The following TULP3 variants were observed in gnomAD, a reference collection of about 807,000 sequenced individuals.
TULP3 encodes the protein tubby-related protein 3.
In TULP3, 38 loss-of-function variants were observed where a neutral mutation model predicts 50.7. That is an observed-to-expected ratio of 0.75 (90% confidence interval 0.58 to 0.98). The LOEUF (loss-of-function observed/expected upper bound fraction) is 0.98. Among genes scored for constraint, TULP3 ranks in the 50% least tolerant of loss-of-function variants. TULP3 has a pLI of 0.00. For synonymous variants in TULP3, 183 were observed against 196.6 expected (o/e 0.93, Z 0.58); for missense variants, 550 against 568.0 (o/e 0.97, Z 0.32).
chr12:2,932,993 A>C (rs949871094), intron 6 of TULP3, among the ~76,000 whole-genome samples: 2 of 151,280 alleles, frequency 1.3e-5, no homozygotes, highest in Non-Finnish European at 2.9e-5. Flanking sequence ...CCCAGGCTGG[A>C]GTGCAATGGC....
At chr12:2,910,112 G>A (rs1347048543) in intron 2 of TULP3, among the ~76,000 whole-genome samples, 1 of 152,130 alleles carries the variant, frequency 6.6e-6, no homozygotes, top group Non-Finnish European at 1.5e-5. Flanking sequence ...CTAACACGGT[G>A]AAACCCAGTC....
At chr12:2,903,008 C>T (rs1441326009) in intron 1 of TULP3, among the ~76,000 whole-genome samples, 9 of 151,668 alleles carry the variant, frequency 5.9e-5, no homozygotes, top group African/African-American at 1.5e-4. Context: ...ACTACAGGCA[C>T]GGACCACAAT....
Position 2,909,581 on chromosome 12 carries a change from G to C in TULP3, c.93+1G>C, listed in dbSNP as rs979778563. On this transcript the variant is annotated splice_donor_variant, in intron 2 of 10. Coordinates refer to ENST00000448120, the MANE Select transcript of TULP3 (RefSeq NM_003324.5). LOFTEE classifies it high-confidence loss of function. Reference sequence around the variant, plus strand: ...GCGACAGGCTAAGCTGGATTATCAGGTGAGCAGAGTCTCCTCTTTTGAAAT... The same window carrying C: ...GCGACAGGCTAAGCTGGATTATCAGCTGAGCAGAGTCTCCTCTTTTGAAAT... The C allele has an allele frequency of 1.9e-6, 3 of 1,582,558 alleles. No homozygotes were observed. Among genetic ancestry groups the C allele is most frequent in the African/African-American group, 1.4e-5 (1 of 72,000 alleles).
intron 2 of TULP3, among the ~76,000 whole-genome samples, chr12:2,917,876 CA>C (rs71057863): frequency 1.4e-5 from 2 of 146,642 alleles, no homozygotes; most frequent in Non-Finnish European, 1.5e-5. Context: ...GACTCTGTCT[CA>C]AAAAAAAAAG....
At chr12:2,900,069 T>TA (rs869100591) in intron 1 of TULP3, among the ~76,000 whole-genome samples, 1 of 141,192 alleles carries the variant, frequency 7.1e-6, no homozygotes, top group South Asian at 2.3e-4. Flanking sequence ...ACAAAAAAAA[T>TA]AAAAAATTAA....
intron 4 of TULP3, among the ~76,000 whole-genome samples, chr12:2,922,939 C>T (rs1303408715): frequency 2.7e-5 from 4 of 150,500 alleles, no homozygotes; most frequent in African/African-American, 4.9e-5. Context: ...CTGCAAGCTC[C>T]GCCTCCCGGG....
intron 7 of TULP3, 127 bp downstream of exon 7, chr12:2,933,657 GAAA>G: frequency 1.8e-5 from 7 of 397,426 alleles, no homozygotes; most frequent in South Asian, 1.0e-4. Context: ...AAAGAAAAAG[GAAA>G]AAAAAAAAAG....
At chr12:2,901,634 C>A (rs2098179367) in intron 1 of TULP3, among the ~76,000 whole-genome samples, 1 of 151,948 alleles carries the variant, frequency 6.6e-6, no homozygotes. Flanking sequence ...ATGCCCGTCT[C>A]AGCCTCCCGA....
At chr12:2,912,381 C>T (rs753253926) in intron 2 of TULP3, among the ~76,000 whole-genome samples, 20 of 152,120 alleles carry the variant, frequency 1.3e-4, no homozygotes, top group Non-Finnish European at 2.4e-4. Flanking sequence ...TATCTTGGTG[C>T]GAGCTTCACA....
At chr12:2,912,432 C>T (rs947073221) in intron 2 of TULP3, among the ~76,000 whole-genome samples, 2 of 152,186 alleles carry the variant, frequency 1.3e-5, no homozygotes, top group Non-Finnish European at 2.9e-5. Context: ...ACAGTGCACA[C>T]CCATCAGTGA....
In TULP3 at chr12:2,937,702, T is replaced by C. The variant is rs1230421370; in HGVS notation, c.996T>C (p.His332=). 1 of 1,612,406 alleles carries C rather than the reference T, an allele frequency of 6.2e-7. No homozygotes were observed. The change falls in exon 9 of 11, where the codon CAT becomes CAC. Residue 332 remains histidine, a synonymous_variant. Coordinates refer to ENST00000448120, the MANE Select transcript of TULP3 (RefSeq NM_003324.5). ...SVIIPGMTLN[H]KQIPYQPQNN... The stretch of plus-strand genomic sequence containing the variant: ...TCATTCCTGGAATGACACTGAATCA[T>C]AAGCAGATCCCCTATCAGCCACAAA...
chr12:2,904,698 C>CT (rs965962698), intron 1 of TULP3, among the ~76,000 whole-genome samples: 20 of 149,160 alleles, frequency 1.3e-4, no homozygotes, highest in Admixed American at 2.7e-4. Flanking sequence ...AATTACTCCA[C>CT]TTTTTTTTTT....
intron 4 of TULP3, among the ~76,000 whole-genome samples, chr12:2,923,010 C>T (rs928023429): frequency 8.6e-5 from 13 of 151,938 alleles, no homozygotes; most frequent in African/African-American, 2.7e-4. Flanking sequence ...CCCGCCACCA[C>T]GCCTGGCTAA....
rs371759929 is a variant in TULP3, at chr12:2,910,152, G to T, written c.93+572G>T. 3.3e-5 allele frequency among the ~76,000 whole-genome samples: 5 copies of T among 152,240 alleles called. No homozygotes were observed. The East Asian group carries it at 9.7e-4, about 29-fold the overall frequency. ...CTAAAAAATACAAAAAATTAGCCGG[G>T]CATGGTGGCGGGCACCTCTAGTCCC... On this transcript the variant is annotated intron_variant, in intron 2 of 10. Coordinates refer to ENST00000448120, the MANE Select transcript of TULP3 (RefSeq NM_003324.5).
chr12:2,907,743 T>C (rs2098183181), intron 1 of TULP3, among the ~76,000 whole-genome samples: 3 of 151,952 alleles, frequency 2.0e-5, no homozygotes, highest in African/African-American at 7.3e-5. Context: ...TTTGTCACAC[T>C]ATATTAATGA....
intron 1 of TULP3, among the ~76,000 whole-genome samples, chr12:2,902,422 C>A (rs2098179791): frequency 6.6e-6 from 1 of 152,178 alleles, no homozygotes; most frequent in Admixed American, 6.6e-5. Flanking sequence ...TTACTCTCTC[C>A]AGTACCACAG....
chr12:2,937,799 C>CCAAAAAA, intron 9 of TULP3, 70 bp downstream of exon 9: 1 of 720,642 alleles, frequency 1.4e-6, no homozygotes, highest in Non-Finnish European at 2.0e-6. Flanking sequence ...GAGATTAATA[C>CCAAAAAA]AAAAAAAAAA....
intron 4 of TULP3, among the ~76,000 whole-genome samples, chr12:2,924,515 C>T (rs946381990): frequency 4.0e-5 from 6 of 150,876 alleles, no homozygotes; most frequent in Non-Finnish European, 7.4e-5. Flanking sequence ...CAGTCTCTAA[C>T]AAAAAAAAAT....
At chr12:2,896,726 A>T (rs1005985063) in intron 1 of TULP3, among the ~76,000 whole-genome samples, 1 of 152,150 alleles carries the variant, frequency 6.6e-6, no homozygotes, top group African/African-American at 2.4e-5. Flanking sequence ...CTATAATCTC[A>T]TTTTACAGAG....
Sources: gnomAD v4.1 joint callset for allele counts (sites outside exome capture counted in the v4.1 genomes callset) on GRCh38, gnomAD v4.1.1 for gene constraint, MANE v1.5 for transcripts, NCBI Gene and HGNC (gene_info 2026-07-23, HGNC 2026-07-21) for gene names.